The following ZNF609 variants were observed in gnomAD, a reference collection of about 807,000 sequenced individuals.
ZNF609 encodes zinc finger protein 609.
In ZNF609, 11 loss-of-function variants were observed where a neutral mutation model predicts 109.5. The ratio of observed to expected loss-of-function variants is 0.10; its 90% CI spans 0.06 to 0.17. The LOEUF (loss-of-function observed/expected upper bound fraction) is 0.17, where lower values mean the gene tolerates loss of function less well. ZNF609 is among the 10% of genes least tolerant of loss of function. ZNF609 has a pLI of 1.00. For synonymous variants in ZNF609, 646 were observed against 662.0 expected, an observed-to-expected ratio of 0.98 and a Z score of 0.37; for missense variants, 1,559 against 1,772.4, an observed-to-expected ratio of 0.88 and a Z score of 2.16.
At chr15:64,612,652 A>G (rs375106357) in intron 2 of ZNF609, among the ~76,000 whole-genome samples, 2 of 111,770 alleles carry the variant, frequency 1.8e-5, no homozygotes, top group Non-Finnish European at 3.8e-5. Flanking sequence ...TTTTTAATTT[A>G]TTTTTGTTTA....
At chr15:64,672,544 G>A (rs2141013151) in intron 4 of ZNF609, among the ~76,000 whole-genome samples, 1 of 147,544 alleles carries the variant, frequency 6.8e-6, no homozygotes, top group East Asian at 2.1e-4. Flanking sequence ...AGAACCGCTT[G>A]AACCAGGGAG....
At chr15:64,662,149 G>A (rs1419026323) in intron 3 of ZNF609, among the ~76,000 whole-genome samples, 1 of 152,080 alleles carries the variant, frequency 6.6e-6, no homozygotes, top group Non-Finnish European at 1.5e-5. Flanking sequence ...TGCTGGCCTC[G>A]TGGACTTCTC....
At chr15:64,576,899 CAT>C (rs199673694) in intron 2 of ZNF609, among the ~76,000 whole-genome samples, 9,591 of 132,094 alleles carry the variant, frequency 0.073, 547 homozygotes, top group Non-Finnish European at 0.11. Flanking sequence ...TAAATATATA[CAT>C]ATATATGTAT....
At chr15:64,532,837 A>G (rs72741399) in intron 2 of ZNF609, among the ~76,000 whole-genome samples, 7,330 of 152,214 alleles carry the variant, frequency 0.048, 236 homozygotes, top group South Asian at 0.086. Flanking sequence ...GCTAGGTGAA[A>G]AAGAGGACTG....
At chr15:64,570,294 T>G (rs1167768014) in intron 2 of ZNF609, among the ~76,000 whole-genome samples, 2 of 152,396 alleles carry the variant, frequency 1.3e-5, no homozygotes, top group Middle Eastern at 3.4e-3. Flanking sequence ...TCCACAGTTA[T>G]AACTATACTA....
intron 3 of ZNF609, among the ~76,000 whole-genome samples, chr15:64,643,973 A>G (rs1459810873): frequency 1.3e-5 from 2 of 152,008 alleles, no homozygotes; most frequent in Non-Finnish European, 2.9e-5. Context: ...ACATGGTAGT[A>G]TGTACCTGTA....
At chr15:64,529,071 C>A (rs1894015799) in intron 2 of ZNF609, 2 of 1,125,566 alleles carry the variant, frequency 1.8e-6, no homozygotes, top group Admixed American at 1.9e-5. Flanking sequence ...CCTGGAGAGC[C>A]CTGCAGCCAT....
intron 2 of ZNF609, among the ~76,000 whole-genome samples, chr15:64,595,239 A>G (rs1347537125): frequency 6.6e-6 from 1 of 151,058 alleles, no homozygotes; most frequent in Non-Finnish European, 1.5e-5. Context: ...TGGGCATCTG[A>G]AATGCCAGCT....
intron 3 of ZNF609, among the ~76,000 whole-genome samples, chr15:64,650,417 CAA>C (rs34102315): frequency 1.2e-4 from 15 of 124,180 alleles, no homozygotes; most frequent in Non-Finnish European, 1.2e-4. Context: ...GCTCCATCTC[CAA>C]AAAAAAAAAA....
At chr15:64,496,753 C>G (rs1016045485) in intron 1 of ZNF609, among the ~76,000 whole-genome samples, 16 of 152,088 alleles carry the variant, frequency 1.1e-4, no homozygotes, top group Admixed American at 1.0e-3. Flanking sequence ...GTTGAGAATT[C>G]CAAACAGGTT....
At chr15:64,598,740 G>GTATATA (rs767287628) in intron 2 of ZNF609, among the ~76,000 whole-genome samples, 1 of 84,714 alleles carries the variant, frequency 1.2e-5, no homozygotes, top group African/African-American at 4.5e-5. Flanking sequence ...ATCTTTGTGT[G>GTATATA]TGTATATATA....
At chr15:64,572,346 C>A (rs1315532870) in intron 2 of ZNF609, among the ~76,000 whole-genome samples, 1 of 152,054 alleles carries the variant, frequency 6.6e-6, no homozygotes, top group Non-Finnish European at 1.5e-5. Context: ...AAAATAAATT[C>A]GCTGGGCATG....
At chr15:64,584,485 G>C (rs893404012) in intron 2 of ZNF609, among the ~76,000 whole-genome samples, 1 of 151,868 alleles carries the variant, frequency 6.6e-6, no homozygotes, top group Non-Finnish European at 1.5e-5. Context: ...ATTTTTAGTA[G>C]AGACAGAGTT....
chr15:64,508,684 ATTTT>A (rs1160116983), intron 2 of ZNF609, among the ~76,000 whole-genome samples: 3 of 130,518 alleles, frequency 2.3e-5, no homozygotes, highest in Non-Finnish European at 4.9e-5. Flanking sequence ...GACCCAGAAA[ATTTT>A]TTTTTTTTTT....
At chr15:64,669,337 T>C (rs1161343790) in intron 3 of ZNF609, among the ~76,000 whole-genome samples, 1 of 152,216 alleles carries the variant, frequency 6.6e-6, no homozygotes, top group Non-Finnish European at 1.5e-5. Flanking sequence ...AATGCTGCCA[T>C]TGAAAAGAAT....
At chr15:64,560,349 C>G (rs1304005774) in intron 2 of ZNF609, among the ~76,000 whole-genome samples, 1 of 151,502 alleles carries the variant, frequency 6.6e-6, no homozygotes, top group East Asian at 1.9e-4. Flanking sequence ...CCCAGCGTCT[C>G]TCTGGTTTTT....
At chr15:64,475,678 AC>A (rs1220200734) in intron 1 of ZNF609, among the ~76,000 whole-genome samples, 1 of 152,064 alleles carries the variant, frequency 6.6e-6, no homozygotes, top group Non-Finnish European at 1.5e-5. Context: ...GGCATGAGCC[AC>A]CGCGCCCAGC....
chr15:64,662,181 T>G (rs1038395813), intron 3 of ZNF609, among the ~76,000 whole-genome samples: 3 of 152,074 alleles, frequency 2.0e-5, no homozygotes, highest in Non-Finnish European at 4.4e-5. Context: ...TTAAGTGTTC[T>G]CACAAAATGG....
intron 3 of ZNF609, among the ~76,000 whole-genome samples, chr15:64,639,205 G>A (rs1238797341): frequency 6.6e-6 from 1 of 152,196 alleles, no homozygotes; most frequent in Non-Finnish European, 1.5e-5. Context: ...AACCCTGTTT[G>A]AGAACCACTG....
Sources: gnomAD v4.1 joint callset for allele counts (sites outside exome capture counted in the v4.1 genomes callset) on GRCh38, gnomAD v4.1.1 for gene constraint, MANE v1.5 for transcripts, NCBI Gene and HGNC (gene_info 2026-07-23, HGNC 2026-07-21) for gene names.